The following ADGRB1 variants were observed in gnomAD, a reference collection of about 807,000 sequenced individuals.
The protein encoded by ADGRB1 is adhesion G protein-coupled receptor B1.
Under a neutral mutation model 175.7 loss-of-function variants are expected in ADGRB1, and 36 were observed. That is an observed-to-expected ratio of 0.20 (90% CI 0.16 to 0.27). The LOEUF (loss-of-function observed/expected upper bound fraction) is 0.27. Among genes scored for constraint, ADGRB1 ranks in the 10% least tolerant of loss-of-function variants. The probability of loss-of-function intolerance (pLI) is 1.00; values close to 1 mark genes in which losing one functional copy is unlikely to be tolerated. For synonymous variants in ADGRB1, 1,054 were observed against 979.4 expected (o/e 1.08, Z -1.42); for missense variants, 1,731 against 2,255.3 (o/e 0.77, Z 4.71).
At chr8:142,477,940 G>A (rs1305892612) in intron 6 of ADGRB1, among the ~76,000 whole-genome samples, 5 of 151,068 alleles carry the variant, frequency 3.3e-5, no homozygotes, top group African/African-American at 1.2e-4. Flanking sequence ...GGCCCCCAGG[G>A]TGTTCTCACC....
At chr8:142,536,574 GGGCAGTGAGGGCCA>G (rs1191052684) in intron 25 of ADGRB1, among the ~76,000 whole-genome samples, 1 of 152,140 alleles carries the variant, frequency 6.6e-6, no homozygotes, top group African/African-American at 2.4e-5. Flanking sequence ...CACACTCCCA[GGGCAGTGAGGGCCA>G]GGCTTTCCAC....
At chr8:142,529,599 T>A (rs1242390027) in intron 24 of ADGRB1, among the ~76,000 whole-genome samples, 1 of 152,058 alleles carries the variant, frequency 6.6e-6, no homozygotes, top group Non-Finnish European at 1.5e-5. Flanking sequence ...CGTGCATGTA[T>A]GTGTGTGAGT....
intron 17 of ADGRB1, among the ~76,000 whole-genome samples, chr8:142,506,218 C>A (rs569387911): frequency 6.6e-6 from 1 of 152,262 alleles, no homozygotes; most frequent in African/African-American, 2.4e-5. Context: ...CCAATGGTGG[C>A]GGTCACTGGT....
intron 7 of ADGRB1, 104 bp from the exon 8 acceptor site, chr8:142,479,219 G>A (rs539622484): frequency 1.2e-4 from 149 of 1,266,802 alleles, no homozygotes; most frequent in African/African-American, 2.9e-4. Flanking sequence ...TTTCACTGCC[G>A]CATGGCTCTG....
At chr8:142,531,739 G>C (rs1193300184) in intron 24 of ADGRB1, among the ~76,000 whole-genome samples, 1 of 152,148 alleles carries the variant, frequency 6.6e-6, no homozygotes, top group African/African-American at 2.4e-5. Flanking sequence ...CCTGAGGCTG[G>C]GGCCAGACAG....
At chr8:142,520,628 GTGA>G (rs1172576869) in intron 19 of ADGRB1, among the ~76,000 whole-genome samples, 192 bp from the exon 20 acceptor site, 18 of 152,060 alleles carry the variant, frequency 1.2e-4, no homozygotes, top group Non-Finnish European at 2.2e-4. Flanking sequence ...GGTGATGGTG[GTGA>G]TGATTGTGTG....
Position 142,478,186 on chromosome 8 carries a change from G to T in ADGRB1, c.1388-1G>T. On this transcript the variant is annotated splice_acceptor_variant, in intron 6 of 30. Transcript: ENST00000517894. LOFTEE classifies it high-confidence loss of function. The stretch of plus-strand genomic sequence containing the variant: ...CACTTTGTGTCTCCTTCCTCCCCCG[G>T]GCCGGGCAGTGGATGGAAACTGGAA... The T allele has an allele frequency of 6.2e-7, 1 of 1,602,008 alleles. No homozygotes were observed. The highest frequency in any genetic ancestry group is 8.5e-7 in the Non-Finnish European group (1 of 1,175,130).
At chr8:142,468,208 G>A (rs1840387651) in intron 2 of ADGRB1, among the ~76,000 whole-genome samples, 1 of 150,706 alleles carries the variant, frequency 6.6e-6, no homozygotes. Flanking sequence ...AAGTGTGGGT[G>A]CGTGTGTGTG....
At chr8:142,457,258 T>C (rs1380521163) in intron 1 of ADGRB1, among the ~76,000 whole-genome samples, 1 of 152,174 alleles carries the variant, frequency 6.6e-6, no homozygotes, top group Non-Finnish European at 1.5e-5. Context: ...TGTATCCACG[T>C]CTGGGGAACT....
rs1430895635 is a variant in ADGRB1, at chr8:142,530,016, ATG to A, written c.3399-3274_3399-3273del. Among the ~76,000 whole-genome samples the A allele has an allele frequency of 3.4e-5, 5 of 147,656 alleles. No individual in the cohort carries two copies. In the South Asian group the frequency reaches 1.1e-3, roughly 33 times the overall value. On this transcript the variant is annotated intron_variant, in intron 24 of 30. Coordinates refer to ENST00000517894, the MANE Select transcript of ADGRB1 (RefSeq NM_001702.3). ...TGTGTGAGCGCAACCTGCTGTGCGT[ATG>A]TGTGAGCGTGCATCTCTGTGTGTGA...
intron 18 of ADGRB1, among the ~76,000 whole-genome samples, chr8:142,514,360 G>A (rs1261858608): frequency 6.6e-6 from 1 of 152,136 alleles, no homozygotes; most frequent in African/African-American, 2.4e-5. Context: ...GCGCAGATGC[G>A]GGCTGCGCAG....
chr8:142,535,278 G>C (rs1216153414), intron 25 of ADGRB1, among the ~76,000 whole-genome samples: 3 of 152,202 alleles, frequency 2.0e-5, no homozygotes, highest in Admixed American at 2.0e-4. Context: ...GGAGCAGAGG[G>C]CTGGCACTGG....
Position 142,484,027 on chromosome 8 carries a change from G to A in ADGRB1, c.2181G>A (p.Lys727=). Residue 727 remains lysine, a synonymous_variant, in exon 12 of 31, where the codon AAG becomes AAA. Coordinates refer to ENST00000517894, the MANE Select transcript of ADGRB1 (RefSeq NM_001702.3). ...TGTTGGCAGAGGAGAATCGGGACAA[G>A]TGGGAGGAGGCCCAGCTGGTAGGGC... is the stretch of plus-strand genomic sequence containing the variant. ...SNLLAEENRD[K]WEEAQLAGPN... 6.2e-7 allele frequency: 1 copy of A among 1,612,868 alleles called. No homozygotes were observed. The highest frequency in any genetic ancestry group is 8.5e-7 in the Non-Finnish European group (1 of 1,179,430).
chr8:142,452,565 C>T (rs1839417186), intron 1 of ADGRB1, among the ~76,000 whole-genome samples: 1 of 152,190 alleles, frequency 6.6e-6, no homozygotes, highest in Non-Finnish European at 1.5e-5. Flanking sequence ...CTCTCGGATC[C>T]CTTCCAGCCC....
intron 1 of ADGRB1, among the ~76,000 whole-genome samples, chr8:142,460,147 G>T (rs1160723792): frequency 6.6e-6 from 1 of 152,276 alleles, no homozygotes; most frequent in Non-Finnish European, 1.5e-5. Flanking sequence ...GCCCGCCTGG[G>T]CCTGCCTTGG....
chr8:142,489,137 G>A (rs763330666), intron 15 of ADGRB1, 27 bp downstream of exon 15: 1 of 1,581,210 alleles, frequency 6.3e-7, no homozygotes, highest in East Asian at 2.3e-5. Context: ...AGGTGGGGTG[G>A]GCAGTGCAGG....
At chr8:142,490,983 G>A (rs1841954087) in intron 17 of ADGRB1, among the ~76,000 whole-genome samples, 168 bp downstream of exon 17, 1 of 152,182 alleles carries the variant, frequency 6.6e-6, no homozygotes, top group African/African-American at 2.4e-5. Context: ...GTCTGGCTCT[G>A]GAGCCCACCA....
At chr8:142,520,967 C>T (rs368807868) in intron 20 of ADGRB1, 42 bp downstream of exon 20, 87 of 1,563,628 alleles carry the variant, frequency 5.6e-5, no homozygotes, top group Middle Eastern at 3.4e-4. Flanking sequence ...CCAACATCCT[C>T]GGGTGGTGAG....
chr8:142,481,835 G>C, intron 11 of ADGRB1, 124 bp downstream of exon 11: 1 of 846,546 alleles, frequency 1.2e-6, no homozygotes, highest in Non-Finnish European at 1.8e-6. Context: ...GTCATAGGTT[G>C]AACTCTGACC....
Sources: gnomAD v4.1 joint callset for allele counts (sites outside exome capture counted in the v4.1 genomes callset) on GRCh38, gnomAD v4.1.1 for gene constraint, MANE v1.5 for transcripts, NCBI Gene and HGNC (gene_info 2026-07-23, HGNC 2026-07-21) for gene names.